The following PLAC1 variants were observed in gnomAD, a reference collection of about 807,000 sequenced individuals.
PLAC1 encodes placenta-specific protein 1.
For synonymous variants in PLAC1, 68 were observed against 62.1 expected (o/e 1.09, Z -0.44); for missense variants, 136 against 163.2 (o/e 0.83, Z 0.91).
At chrX:134,739,824 A>G (rs1362050246) in intron 1 of PLAC1, among the ~76,000 whole-genome samples, 2 of 112,724 alleles carry the variant, frequency 1.8e-5, no homozygotes, top group Non-Finnish European at 3.7e-5. Context: ...TAAAAAATCT[A>G]TAATTCTTTG....
chrX:134,739,668 T>C (rs1344109117), intron 1 of PLAC1, among the ~76,000 whole-genome samples: 1 of 113,183 alleles, frequency 8.8e-6, no homozygotes, highest in East Asian at 2.8e-4. Flanking sequence ...AATGGCAATG[T>C]AGAATAAGAT....
intron 2 of PLAC1, among the ~76,000 whole-genome samples, chrX:134,731,946 A>T (rs1010029426): frequency 9.0e-6 from 1 of 111,587 alleles, no homozygotes; most frequent in Non-Finnish European, 1.9e-5. Context: ...ATTTCAGCCC[A>T]GGAGGTCGAG....
At chrX:134,578,666 C>CT (rs1302147197) in intron 2 of PLAC1, among the ~76,000 whole-genome samples, 203 of 105,475 alleles carry the variant, frequency 1.9e-3, no homozygotes, top group African/African-American at 6.6e-3. Flanking sequence ...CGCCTGGCTA[C>CT]TTTTTTTTTG....
intron 1 of PLAC1, among the ~76,000 whole-genome samples, chrX:134,635,459 G>A (rs2029933248): frequency 9.1e-6 from 1 of 110,190 alleles, no homozygotes; most frequent in African/African-American, 3.3e-5. Flanking sequence ...CACCTCAGCC[G>A]CCCGAGTAGT....
intron 2 of PLAC1, among the ~76,000 whole-genome samples, chrX:134,669,154 A>G (rs773382085): frequency 8.9e-6 from 1 of 111,948 alleles, no homozygotes; most frequent in Admixed American, 9.4e-5. Flanking sequence ...CCATCTTTCC[A>G]GGATCTTCCC....
intron 2 of PLAC1, among the ~76,000 whole-genome samples, chrX:134,673,312 G>A (rs938800443): frequency 5.2e-5 from 5 of 96,637 alleles, no homozygotes; most frequent in Non-Finnish European, 8.4e-5. Flanking sequence ...GGGAGAGAAG[G>A]AAGGAAGGAG....
intron 2 of PLAC1, among the ~76,000 whole-genome samples, chrX:134,709,660 G>A (rs760670438): frequency 9.0e-6 from 1 of 111,121 alleles, no homozygotes; most frequent in African/African-American, 3.3e-5. Context: ...TAGACCAGTG[G>A]AATATAAAAA....
intron 2 of PLAC1, among the ~76,000 whole-genome samples, chrX:134,672,874 A>G (rs2078460433): frequency 8.9e-6 from 1 of 112,753 alleles, no homozygotes; most frequent in Non-Finnish European, 1.9e-5. Context: ...AGGCACCTCC[A>G]TAAATCCTGT....
At chrX:134,671,530 A>G (rs1433928872) in intron 2 of PLAC1, among the ~76,000 whole-genome samples, 1 of 110,808 alleles carries the variant, frequency 9.0e-6, no homozygotes, top group African/African-American at 3.3e-5. Flanking sequence ...AGGCCTCAGG[A>G]AACGTACAGT....
intron 1 of PLAC1, among the ~76,000 whole-genome samples, chrX:134,633,546 C>T: frequency 8.9e-6 from 1 of 111,740 alleles, no homozygotes; most frequent in Non-Finnish European, 1.9e-5. Flanking sequence ...CTAATTTGTA[C>T]AGCTGCTTTT....
chrX:134,745,394 C>A (rs2078726927), intron 1 of PLAC1, among the ~76,000 whole-genome samples: 1 of 111,696 alleles, frequency 9.0e-6, no homozygotes, highest in African/African-American at 3.3e-5. Flanking sequence ...AAGATTGGCT[C>A]AGACTAATCA....
At chrX:134,626,664 G>A (rs921944478) in intron 1 of PLAC1, among the ~76,000 whole-genome samples, 1 of 111,702 alleles carries the variant, frequency 9.0e-6, no homozygotes, top group African/African-American at 3.3e-5. Context: ...TTAGTACTGG[G>A]GAGGTGCCAA....
At chrX:134,760,635 G>A (rs777710325) in intron 1 of PLAC1, among the ~76,000 whole-genome samples, 29 of 108,545 alleles carry the variant, frequency 2.7e-4, no homozygotes, top group South Asian at 1.6e-3. Flanking sequence ...ACAGTGTTAG[G>A]TTAAAAAAAA....
At chrX:134,569,093 A>T (rs906983927) in intron 2 of PLAC1, among the ~76,000 whole-genome samples, 1 of 111,126 alleles carries the variant, frequency 9.0e-6, no homozygotes, top group African/African-American at 3.3e-5. Context: ...CAAACCCCAA[A>T]ATTAACACCC....
chrX:134,596,930 T>C (rs908386596), intron 2 of PLAC1, among the ~76,000 whole-genome samples: 1 of 108,280 alleles, frequency 9.2e-6, no homozygotes, highest in African/African-American at 3.6e-5. Context: ...GCTTTCAAGA[T>C]TGTTTTCTTT....
In PLAC1 at chrX:134,566,083, A is replaced by G; in HGVS notation, c.600T>C (p.Asp200=). Residue 200 remains aspartate (D), a synonymous_variant, in exon 3 of 3, where the codon GAT becomes GAC. Coordinates refer to ENST00000359237, the MANE Select transcript of PLAC1 (RefSeq NM_021796.4). Reference sequence around the variant, plus strand: ...TCATATCATCTGTGTGAAGAGACCAATCCTCAGAAATATCAAGAAAGTGAG... The same window carrying G: ...TCATATCATCTGTGTGAAGAGACCAGTCCTCAGAAATATCAAGAAAGTGAG... ...QPSHFLDISE[D]WSLHTDDMIG... is the part of the protein sequence containing the mutation. The G allele has an allele frequency of 1.7e-6, 2 of 1,210,090 alleles. No individual in the cohort carries two copies. Among genetic ancestry groups the G allele is most frequent in the Non-Finnish European group, 2.2e-6 (2 of 894,032 alleles).
intron 2 of PLAC1, among the ~76,000 whole-genome samples, chrX:134,570,773 C>CT (rs2077904073): frequency 8.9e-6 from 1 of 111,744 alleles, no homozygotes; most frequent in South Asian, 3.8e-4. Context: ...GTACAAGTAG[C>CT]TTTCTGTTTT....
intron 1 of PLAC1, among the ~76,000 whole-genome samples, chrX:134,652,420 A>G (rs2078368110): frequency 8.9e-6 from 1 of 112,163 alleles, no homozygotes; most frequent in Non-Finnish European, 1.9e-5. Flanking sequence ...CTGGTTCTAC[A>G]GGCAACTGCT....
chrX:134,593,035 C>CT (rs1405964108), intron 2 of PLAC1, among the ~76,000 whole-genome samples: 4 of 111,148 alleles, frequency 3.6e-5, no homozygotes, highest in Admixed American at 2.9e-4. Flanking sequence ...CGCTGTGTCT[C>CT]TTTTTCTCTC....
Sources: allele counts gnomAD v4.1 joint callset (sites outside exome capture counted in the v4.1 genomes callset), GRCh38; gene constraint gnomAD v4.1.1; transcripts MANE v1.5; gene names NCBI Gene and HGNC (gene_info 2026-07-23, HGNC 2026-07-21).